Variants in GLG1 observed in about 807,000 individuals in gnomAD.
The protein encoded by GLG1 is golgi glycoprotein 1.
GLG1 carries 38 observed loss-of-function variants against 160.5 expected under a neutral mutation model. The ratio of observed to expected loss-of-function variants is 0.24; its 90% confidence interval spans 0.18 to 0.31. The LOEUF is 0.31. Ranked by LOEUF, GLG1 falls within the 10% of genes least tolerant of loss-of-function variation. GLG1 has a pLI of 1.00. For missense variants in GLG1, 1,373 were observed against 1,505.2 expected, an observed-to-expected ratio of 0.91 and a Z score of 1.45; for synonymous variants, 644 against 543.4, an observed-to-expected ratio of 1.19 and a Z score of -2.57.
At chr16:74,483,176 A>AT in intron 9 of GLG1, 52 bp from the exon 10 acceptor site, 1 of 1,011,784 alleles carries the variant, frequency 9.9e-7, no homozygotes, top group Non-Finnish European at 1.6e-6. Context: ...TCAGAACTCT[A>AT]TGTCAATATA....
chr16:74,549,131 A>C (rs567609139), intron 1 of GLG1, among the ~76,000 whole-genome samples: 2 of 152,362 alleles, frequency 1.3e-5, no homozygotes, highest in Non-Finnish European at 2.9e-5. Context: ...TGGATCAGGC[A>C]ATAACACTAA....
Position 74,453,112 on chromosome 16 carries a change from AG to A in GLG1, c.*54del. On this transcript the variant is annotated 3_prime_UTR_variant, in exon 26 of 26. Transcript: ENST00000422840. ...GAGGTGAGTGGGGATGCTATACAAG[AG>A]GGCTGTACAAACTGGGCACTGGATA... The A allele has an allele frequency of 1.3e-6, 2 of 1,588,580 alleles. No individual in the cohort carries two copies. The highest frequency in any genetic ancestry group is 1.7e-6 in the Non-Finnish European group (2 of 1,167,410).
chr16:74,602,388 T>C (rs1597389874), intron 1 of GLG1, among the ~76,000 whole-genome samples: 1 of 152,316 alleles, frequency 6.6e-6, no homozygotes, highest in South Asian at 2.1e-4. Flanking sequence ...AACCTTCTAG[T>C]TTTTAAAAAG....
intron 1 of GLG1, among the ~76,000 whole-genome samples, chr16:74,590,916 T>C (rs543034996): frequency 2.1e-5 from 3 of 145,606 alleles, no homozygotes; most frequent in South Asian, 2.2e-4. Flanking sequence ...AGTTTTAAAA[T>C]GAAATTGTGT....
rs575214774 is a variant in GLG1, at chr16:74,456,678, G to A, written c.3343C>T (p.Arg1115Trp). 1.2e-6 allele frequency: 2 copies of A among 1,606,096 alleles called. No homozygotes were observed. Among genetic ancestry groups the A allele is most frequent in the Non-Finnish European group, 1.7e-6 (2 of 1,175,866 alleles). ...QPECKKRLNDRIEMWSYAAKV... is the reference protein window; with the variant it reads ...QPECKKRLNDWIEMWSYAAKV... ...GCTGCGTAACTCCACATCTCAATCC[G>A]GTCATTGAGGCGCTTTTTGCACTCG... The change falls in exon 25 of 26, where the codon CGG (arginine) becomes TGG (tryptophan). Residue 1115 changes from arginine to tryptophan, a missense_variant. This residue lies in a region of GLG1 where 491 missense variants were observed against 632.1 expected (regional missense o/e 0.78). Transcript: ENST00000422840.
At chr16:74,514,088 A>T (rs183876201) in intron 2 of GLG1, among the ~76,000 whole-genome samples, 29 of 152,072 alleles carry the variant, frequency 1.9e-4, no homozygotes, top group African/African-American at 6.5e-4. Flanking sequence ...AAGATTAGAT[A>T]AAAAAAGAGT....
chr16:74,497,965 A>G (rs1476286732), intron 4 of GLG1, among the ~76,000 whole-genome samples: 1 of 152,182 alleles, frequency 6.6e-6, no homozygotes, highest in Non-Finnish European at 1.5e-5. Context: ...CCATCCAATT[A>G]TCTTTAATTG....
In GLG1 at chr16:74,606,874, T is replaced by C; in HGVS notation, c.221A>G (p.Gln74Arg). Residue 74 changes from glutamine (Q) to arginine (R), a missense_variant, in exon 1 of 26, where the codon CAG becomes CGG. Physicochemically the swap from Gln to Arg is conservative, Grantham distance 43. Transcript: ENST00000422840. ...TTGCTGTTGCTGCTGCTGCTGTTGC[T>C]GCTGAAGCTGCGATGACTGAGGCAG... ...PQLPQSSQLQ[Q>R]QQQQQQQQQQ... 1.2e-6 allele frequency: 2 copies of C among 1,600,890 alleles called. No individual in the cohort carries two copies. The highest frequency in any genetic ancestry group is 1.7e-6 in the Non-Finnish European group (2 of 1,175,070).
At chr16:74,579,924 G>A (rs868448773) in intron 1 of GLG1, among the ~76,000 whole-genome samples, 18 of 151,908 alleles carry the variant, frequency 1.2e-4, no homozygotes, top group Non-Finnish European at 1.8e-4. Context: ...TTAGCTGGGC[G>A]TGGTGGCACG....
intron 2 of GLG1, among the ~76,000 whole-genome samples, chr16:74,524,672 C>A (rs544382280): frequency 1.9e-4 from 29 of 152,000 alleles, no homozygotes; most frequent in African/African-American, 6.0e-4. Context: ...TGACACAGTA[C>A]CAATCTGAAT....
Position 74,457,878 on chromosome 16 carries a change from C to A in GLG1, c.3261G>T (p.Gly1087=), listed in dbSNP as rs1001109403. ...HHCAAITPGR[G]RQMSCLMEAL... is the part of the protein sequence containing the mutation. ...AGAGTGAACACAGAGACTTACGACGCCCGCGGCCAGGGGTGATGGCTGCGC... is the reference window on the plus strand; with the variant it reads ...AGAGTGAACACAGAGACTTACGACGACCGCGGCCAGGGGTGATGGCTGCGC... The change falls in exon 24 of 26, where the codon GGG becomes GGT. Residue 1087 remains glycine, a synonymous_variant. Coordinates refer to ENST00000422840, the MANE Select transcript of GLG1 (RefSeq NM_001145667.2). The A allele has an allele frequency of 6.2e-7, 1 of 1,613,808 alleles. No individual in the cohort carries two copies. Among genetic ancestry groups the A allele is most frequent in the Admixed American group, 1.7e-5 (1 of 59,988 alleles).
chr16:74,520,825 C>T (rs983432327), intron 2 of GLG1, among the ~76,000 whole-genome samples: 2 of 152,120 alleles, frequency 1.3e-5, no homozygotes, highest in African/African-American at 4.8e-5. Context: ...TGATTTTGAC[C>T]TGGGTTTTTC....
At position 74,606,947 on chromosome 16, in the gene GLG1, C is replaced by A; in HGVS notation, c.148G>T (p.Val50Leu). The A allele has an allele frequency of 1.2e-6, 2 of 1,609,066 alleles. No individual in the cohort carries two copies. Among genetic ancestry groups the A allele is most frequent in the Non-Finnish European group, 1.7e-6 (2 of 1,179,026 alleles). Reference protein sequence around the residue: ...QGPGANFVSFVGQAGGGGPAG... With the variant: ...QGPGANFVSFLGQAGGGGPAG... ...GGGCCGCCGCCTCCGGCCTGCCCTA[C>A]GAAGGACACAAAGTTGGCCCCGGGA... The change falls in exon 1 of 26, where the codon GTA becomes TTA. Residue 50 changes from valine to leucine, a missense_variant. Transcript: ENST00000422840.
At chr16:74,551,165 T>C (rs2018187736) in intron 1 of GLG1, among the ~76,000 whole-genome samples, 2 of 152,242 alleles carry the variant, frequency 1.3e-5, no homozygotes, top group African/African-American at 4.8e-5. Context: ...AGTGCTAGCC[T>C]TTCCCGTAAG....
intron 1 of GLG1, among the ~76,000 whole-genome samples, chr16:74,543,252 C>T (rs1292033193): frequency 1.3e-5 from 2 of 152,260 alleles, no homozygotes; most frequent in African/African-American, 4.8e-5. Context: ...CTGAAAGATG[C>T]GTAGCTCAAA....
At chr16:74,479,207 G>A (rs1258234036) in intron 11 of GLG1, among the ~76,000 whole-genome samples, 2 of 137,518 alleles carry the variant, frequency 1.5e-5, no homozygotes, top group Admixed American at 1.5e-4. Context: ...CTGGGGTGCA[G>A]TGAGACACAT....
intron 1 of GLG1, among the ~76,000 whole-genome samples, chr16:74,569,131 C>T (rs933954768): frequency 3.3e-5 from 5 of 152,328 alleles, no homozygotes; most frequent in South Asian, 2.1e-4. Flanking sequence ...CAAAAGGCTA[C>T]ACCCTTAAGA....
chr16:74,524,811 T>C (rs1390331693), intron 2 of GLG1, among the ~76,000 whole-genome samples: 6 of 152,182 alleles, frequency 3.9e-5, no homozygotes, highest in Non-Finnish European at 8.8e-5. Context: ...TCATCACCAC[T>C]AATTCCAGAA....
intron 23 of GLG1, chr16:74,458,255 T>C (rs562735226): frequency 5.9e-5 from 22 of 371,414 alleles, no homozygotes; most frequent in Non-Finnish European, 8.3e-5. Flanking sequence ...GATTTGTGTT[T>C]TTGGCATTCC....
Sources: allele counts gnomAD v4.1 joint callset (sites outside exome capture counted in the v4.1 genomes callset), GRCh38; gene constraint gnomAD v4.1.1; regional missense constraint gnomAD v4.1.1; transcripts MANE v1.5; gene names NCBI Gene and HGNC (gene_info 2026-07-23, HGNC 2026-07-21).